The following KCNMA1 variants were observed in gnomAD, a reference collection of about 807,000 sequenced individuals.
KCNMA1 encodes the protein potassium calcium-activated channel subfamily M alpha 1.
KCNMA1 carries 29 observed loss-of-function variants against 140.0 expected under a neutral mutation model. The ratio of observed to expected loss-of-function variants is 0.21; its 90% CI spans 0.15 to 0.28. The LOEUF (loss-of-function observed/expected upper bound fraction) is 0.28, where lower values mean the gene tolerates loss of function less well. KCNMA1 is among the 10% of genes least tolerant of loss of function. The pLI is 1.00. For synonymous variants in KCNMA1, 612 were observed against 611.9 expected (o/e 1.00, Z 0.00); for missense variants, 880 against 1,602.2 (o/e 0.55, Z 7.70).
chr10:77,560,211 C>G (rs1001534737), intron 1 of KCNMA1, among the ~76,000 whole-genome samples: 2 of 151,942 alleles, frequency 1.3e-5, no homozygotes, highest in Non-Finnish European at 2.9e-5. Context: ...AAACAAAAAC[C>G]CTGCAGGTTA....
Position 76,887,306 on chromosome 10 carries a change from G to A in KCNMA1, c.3671C>T (p.Ser1224Phe). 6.2e-7 allele frequency: 1 copy of A among 1,614,082 alleles called. No homozygotes were observed. Among genetic ancestry groups the A allele is most frequent in the South Asian group, 1.1e-5 (1 of 91,062 alleles). ...NRQNRPKSRE[S>F]RDKQKYVQEE... Reference sequence around the variant, plus strand: ...CTGCACGTACTTCTGTTTGTCCCGGGACTCCCTGGACTTGGGCCGGTTCTG... The same window carrying A: ...CTGCACGTACTTCTGTTTGTCCCGGAACTCCCTGGACTTGGGCCGGTTCTG... The change falls in exon 28 of 28, where the codon TCC (serine) becomes TTC (phenylalanine). Residue 1224 changes from serine to phenylalanine, a missense_variant. Around this residue, in one of 13 missense-constraint regions of KCNMA1, gnomAD observed 115 missense variants for 139.9 expected, o/e 0.82. Coordinates refer to ENST00000286628, the MANE Select transcript of KCNMA1 (RefSeq NM_001161352.2).
chr10:76,874,780 A>G (rs2032052586), downstream of KCNMA1: 1 of 152,248 alleles, frequency 6.6e-6, no homozygotes, highest in Admixed American at 6.5e-5. Context: ...AAGGTGTTTT[A>G]TAATGGTTCA....
At chr10:77,443,453 C>T (rs528889879) in intron 1 of KCNMA1, among the ~76,000 whole-genome samples, 3 of 152,212 alleles carry the variant, frequency 2.0e-5, no homozygotes, top group Admixed American at 6.5e-5. Context: ...ACAGAGAACA[C>T]GGAGGGCAGG....
At chr10:77,306,655 A>G (rs1211969299) in intron 2 of KCNMA1, among the ~76,000 whole-genome samples, 2 of 152,250 alleles carry the variant, frequency 1.3e-5, no homozygotes, top group African/African-American at 2.4e-5. Context: ...AGATTCTACC[A>G]GCCGCAGTTA....
At chr10:76,950,691 G>A (rs1180155799) in intron 21 of KCNMA1, among the ~76,000 whole-genome samples, 2 of 152,160 alleles carry the variant, frequency 1.3e-5, no homozygotes, top group African/African-American at 4.8e-5. Context: ...TGCATTGATT[G>A]TATAAATGCC....
intron 1 of KCNMA1, among the ~76,000 whole-genome samples, chr10:77,615,271 C>G (rs1447966756): frequency 6.6e-6 from 1 of 152,132 alleles, no homozygotes; most frequent in Non-Finnish European, 1.5e-5. Flanking sequence ...CAGAGCAGCC[C>G]CAGGATCACC....
chr10:76,927,732 C>T (rs924044882), intron 23 of KCNMA1, among the ~76,000 whole-genome samples: 1 of 152,076 alleles, frequency 6.6e-6, no homozygotes, highest in Non-Finnish European at 1.5e-5. Context: ...AACACCACTT[C>T]GCGAAATCCT....
chr10:77,197,297 CATT>C (rs1239805079), intron 3 of KCNMA1, among the ~76,000 whole-genome samples: 1 of 152,172 alleles, frequency 6.6e-6, no homozygotes, highest in East Asian at 1.9e-4. Context: ...AATCAGGTAA[CATT>C]ATTCAGAAAG....
At chr10:77,507,683 T>C (rs2046657085) in intron 1 of KCNMA1, among the ~76,000 whole-genome samples, 2 of 152,204 alleles carry the variant, frequency 1.3e-5, no homozygotes, top group East Asian at 3.9e-4. Flanking sequence ...CTTCCTGTTT[T>C]TCTCTGCATC....
chr10:77,491,521 C>A (rs1360594854), intron 1 of KCNMA1, among the ~76,000 whole-genome samples: 1 of 152,180 alleles, frequency 6.6e-6, no homozygotes, highest in African/African-American at 2.4e-5. Flanking sequence ...CAAAATTCTG[C>A]TCCTTAGAGC....
chr10:76,908,104 T>C (rs1364821714), intron 25 of KCNMA1, among the ~76,000 whole-genome samples: 2 of 152,224 alleles, frequency 1.3e-5, no homozygotes, highest in East Asian at 3.8e-4. Flanking sequence ...GGATCAGAAC[T>C]AAAATAAAAA....
intron 24 of KCNMA1, chr10:76,912,111 A>G (rs1259699771): frequency 6.6e-6 from 1 of 152,202 alleles, no homozygotes; most frequent in African/African-American, 2.4e-5. Flanking sequence ...GTTCTGAAAT[A>G]CCCAGTCTCA....
chr10:76,932,322 A>T (rs2059476668), intron 23 of KCNMA1, among the ~76,000 whole-genome samples: 1 of 152,228 alleles, frequency 6.6e-6, no homozygotes, highest in African/African-American at 2.4e-5. Flanking sequence ...TGTATGGACA[A>T]TAGAAAGTCC....
At chr10:77,492,015 T>C (rs563510745) in intron 1 of KCNMA1, among the ~76,000 whole-genome samples, 3 of 152,126 alleles carry the variant, frequency 2.0e-5, no homozygotes, top group South Asian at 2.1e-4. Flanking sequence ...TTGTACGCCC[T>C]GCCGGTCCCG....
At chr10:77,338,173 C>T (rs1472944936) in intron 2 of KCNMA1, among the ~76,000 whole-genome samples, 1 of 152,124 alleles carries the variant, frequency 6.6e-6, no homozygotes, top group Non-Finnish European at 1.5e-5. Flanking sequence ...TCTCTTTGGT[C>T]ACAGACTCAG....
chr10:77,637,166 G>T, intron 1 of KCNMA1, 99 bp downstream of exon 1: 2 of 1,275,150 alleles, frequency 1.6e-6, no homozygotes, highest in South Asian at 1.5e-5. Context: ...CGGGGATGGA[G>T]GGAGGCACGG....
intron 5 of KCNMA1, among the ~76,000 whole-genome samples, chr10:77,124,414 T>C (rs1441105907): frequency 6.6e-6 from 1 of 152,186 alleles, no homozygotes; most frequent in Non-Finnish European, 1.5e-5. Flanking sequence ...TCCTATACTC[T>C]TGCTAGACAC....
chr10:77,602,213 G>C (rs1340309905), intron 1 of KCNMA1, among the ~76,000 whole-genome samples: 2 of 152,198 alleles, frequency 1.3e-5, no homozygotes, highest in Non-Finnish European at 2.9e-5. Context: ...GGATGCGCTT[G>C]TGATAATGCC....
chr10:77,039,479 C>A (rs1030886058), intron 15 of KCNMA1, 49 bp downstream of exon 15: 2 of 1,087,460 alleles, frequency 1.8e-6, no homozygotes, highest in Admixed American at 1.7e-5. Flanking sequence ...GCAAGGGGCA[C>A]ATTCAATATC....
Sources: gnomAD v4.1 joint callset for allele counts (sites outside exome capture counted in the v4.1 genomes callset) on GRCh38, gnomAD v4.1.1 for gene constraint, gnomAD v4.1.1 regional missense constraint, MANE v1.5 for transcripts, NCBI Gene and HGNC (gene_info 2026-07-23, HGNC 2026-07-21) for gene names.